CDKAL1: variants seen among roughly 807,000 people sequenced by gnomAD.
The protein encoded by CDKAL1 is threonylcarbamoyladenosine tRNA methylthiotransferase.
A neutral mutation model predicts 68.2 loss-of-function variants in CDKAL1; 32 were observed. The ratio of observed to expected loss-of-function variants is 0.47; its 90% confidence interval spans 0.35 to 0.63. The LOEUF is 0.63. Among genes scored for constraint, CDKAL1 ranks in the 30% least tolerant of loss-of-function variants. The pLI is 0.00. For synonymous variants in CDKAL1, 234 were observed against 244.3 expected, an observed-to-expected ratio of 0.96 and a Z score of 0.39; for missense variants, 606 against 696.7, an observed-to-expected ratio of 0.87 and a Z score of 1.47.
chr6:21,122,746 C>T (rs915323467), intron 13 of CDKAL1, among the ~76,000 whole-genome samples: 7 of 151,802 alleles, frequency 4.6e-5, no homozygotes, highest in Admixed American at 1.3e-4. Context: ...AAGCAATCCC[C>T]CCACATCAGC....
intron 11 of CDKAL1, among the ~76,000 whole-genome samples, chr6:21,039,794 A>G (rs1006039843): frequency 6.6e-6 from 1 of 152,200 alleles, no homozygotes; most frequent in Non-Finnish European, 1.5e-5. Flanking sequence ...ACTGAGCCAT[A>G]TGAACTAATG....
At chr6:20,766,334 T>C (rs1388662882) in intron 7 of CDKAL1, among the ~76,000 whole-genome samples, 1 of 152,174 alleles carries the variant, frequency 6.6e-6, no homozygotes, top group African/African-American at 2.4e-5. Context: ...TAGTGTTGAA[T>C]AGTTCAAGTT....
intron 12 of CDKAL1, among the ~76,000 whole-genome samples, chr6:21,088,351 T>C (rs1274522990): frequency 6.6e-6 from 1 of 152,186 alleles, no homozygotes. Context: ...AGTTCATAAA[T>C]AGTACATATA....
At chr6:20,729,550 A>G (rs1000477192) in intron 5 of CDKAL1, among the ~76,000 whole-genome samples, 3 of 151,718 alleles carry the variant, frequency 2.0e-5, no homozygotes, top group African/African-American at 7.3e-5. Flanking sequence ...GTAGATCTCT[A>G]TAATTCTCAG....
chr6:20,578,242 T>C (rs993709793), intron 4 of CDKAL1, among the ~76,000 whole-genome samples: 57 of 152,180 alleles, frequency 3.7e-4, no homozygotes, highest in Non-Finnish European at 5.9e-4. Context: ...GAGTGAATTT[T>C]TTTTCCCATT....
chr6:20,594,631 C>G (rs992576939), intron 4 of CDKAL1, among the ~76,000 whole-genome samples: 1 of 152,072 alleles, frequency 6.6e-6, no homozygotes, highest in African/African-American at 2.4e-5. Context: ...GACTCTTTAT[C>G]CAATTTGCCA....
chr6:21,073,148 G>T (rs1013028213), intron 12 of CDKAL1, among the ~76,000 whole-genome samples: 2 of 151,934 alleles, frequency 1.3e-5, no homozygotes, highest in African/African-American at 4.8e-5. Flanking sequence ...ATCTTTTCAC[G>T]GCCTGATAGC....
chr6:20,884,139 G>A (rs151250157), intron 9 of CDKAL1, among the ~76,000 whole-genome samples: 1 of 152,168 alleles, frequency 6.6e-6, no homozygotes, highest in East Asian at 1.9e-4. Context: ...ATTTATCCAA[G>A]GAATACAAAG....
At chr6:21,204,342 C>T (rs1199218713) in intron 15 of CDKAL1, among the ~76,000 whole-genome samples, 1 of 152,174 alleles carries the variant, frequency 6.6e-6, no homozygotes, top group African/African-American at 2.4e-5. Flanking sequence ...GTGTTCTTAT[C>T]TACCCCTATT....
At chr6:20,547,859 T>C (rs1050872858) in intron 3 of CDKAL1, among the ~76,000 whole-genome samples, 1 of 152,208 alleles carries the variant, frequency 6.6e-6, no homozygotes, top group Non-Finnish European at 1.5e-5. Flanking sequence ...AAGTTACTTA[T>C]ATCTGTAAGT....
At chr6:20,763,991 C>T (rs1189187554) in intron 7 of CDKAL1, among the ~76,000 whole-genome samples, 3 of 152,122 alleles carry the variant, frequency 2.0e-5, no homozygotes, top group Admixed American at 2.0e-4. Context: ...GAAAGAAATA[C>T]AGCGTCTAGT....
chr6:20,768,134 GTGTTGGGTGC>G (rs1332519148), intron 7 of CDKAL1, among the ~76,000 whole-genome samples: 1 of 152,212 alleles, frequency 6.6e-6, no homozygotes, highest in Non-Finnish European at 1.5e-5. Context: ...AGTCAGCGCT[GTGTTGGGTGC>G]TGTTGGGTGC....
In CDKAL1 at chr6:21,123,457, A is replaced by C. The variant is rs143337329; in HGVS notation, c.1299+14994A>C. Among the ~76,000 whole-genome samples, 161 of 152,276 alleles carry C rather than the reference A, an allele frequency of 1.1e-3. 3 individuals carry two copies. The highest frequency in any genetic ancestry group is 3.7e-3 in the African/African-American group (152 of 41,568). The stretch of plus-strand genomic sequence containing the variant: ...GGCAACAGAGCGAAACTCCATCTCA[A>C]AACAAAACAAAACAAAAAAACAGGA... On this transcript the variant is annotated intron_variant, in intron 13 of 15. Coordinates refer to ENST00000274695, the MANE Select transcript of CDKAL1 (RefSeq NM_017774.3).
At chr6:21,139,597 A>G (rs1775800806) in intron 13 of CDKAL1, among the ~76,000 whole-genome samples, 1 of 151,870 alleles carries the variant, frequency 6.6e-6, no homozygotes, top group African/African-American at 2.4e-5. Context: ...TGCAGCCTCA[A>G]CCTCCCAGGG....
intron 11 of CDKAL1, among the ~76,000 whole-genome samples, chr6:21,015,654 C>T (rs572889604): frequency 2.0e-4 from 30 of 152,110 alleles, no homozygotes; most frequent in Middle Eastern, 6.8e-3. Flanking sequence ...TAGCCGGGTG[C>T]GGTGGCTCAC....
At chr6:20,639,356 C>T (rs541680063) in intron 4 of CDKAL1, among the ~76,000 whole-genome samples, 2 of 152,198 alleles carry the variant, frequency 1.3e-5, no homozygotes, top group South Asian at 2.1e-4. Context: ...TCTACAGACA[C>T]CACCACCATA....
chr6:20,793,535 T>C (rs939652694), intron 8 of CDKAL1, among the ~76,000 whole-genome samples: 1 of 152,138 alleles, frequency 6.6e-6, no homozygotes, highest in African/African-American at 2.4e-5. Flanking sequence ...GTGAGTTGAC[T>C]TGCACTTAAA....
intron 10 of CDKAL1, among the ~76,000 whole-genome samples, chr6:20,985,776 C>G (rs940830831): frequency 6.6e-6 from 1 of 151,658 alleles, no homozygotes; most frequent in Non-Finnish European, 1.5e-5. Flanking sequence ...GCATTCCAAC[C>G]TGGATGATGG....
At chr6:21,104,039 GT>G (rs760753681) in intron 12 of CDKAL1, among the ~76,000 whole-genome samples, 1 of 152,166 alleles carries the variant, frequency 6.6e-6, no homozygotes, top group Admixed American at 6.5e-5. Flanking sequence ...TAATGGCCGT[GT>G]TTTAGTTACT....
Sources: allele counts gnomAD v4.1 joint callset (sites outside exome capture counted in the v4.1 genomes callset), GRCh38; gene constraint gnomAD v4.1.1; transcripts MANE v1.5; gene names NCBI Gene and HGNC (gene_info 2026-07-23, HGNC 2026-07-21).